The following PBX1 variants were observed in gnomAD, a reference collection of about 807,000 sequenced individuals.
PBX1 encodes PBX homeobox 1, also known as pre-B-cell leukemia transcription factor 1.
Under a neutral mutation model 53.4 loss-of-function variants are expected in PBX1, and 6 were observed. That is an observed-to-expected ratio of 0.11 (90% CI 0.06 to 0.22). PBX1 has a LOEUF of 0.22. PBX1 is among the 10% of genes least tolerant of loss of function. The pLI is 1.00. For missense variants in PBX1, 251 were observed against 551.4 expected (o/e 0.46, Z 5.46); for synonymous variants, 204 against 212.3 (o/e 0.96, Z 0.34).
chr1:164,773,098 C>T (rs1268991016), intron 2 of PBX1: 1 of 152,176 alleles, frequency 6.6e-6, no homozygotes, highest in Non-Finnish European at 1.5e-5. Context: ...TCTCAGCCCT[C>T]TGTACTGGTG....
chr1:164,604,816 A>C (rs1656440652), intron 2 of PBX1, among the ~76,000 whole-genome samples: 1 of 149,626 alleles, frequency 6.7e-6, no homozygotes, highest in Non-Finnish European at 1.5e-5. Flanking sequence ...ATCAGTGACT[A>C]TTTTTTTTTT....
rs562633711 is a variant in PBX1, at chr1:164,564,440, T to A, written c.265+1129T>A. Among the ~76,000 whole-genome samples the A allele has an allele frequency of 6.0e-4, 91 of 152,232 alleles. No homozygotes were observed. In the South Asian group the frequency reaches 0.019, roughly 31 times the overall value. The stretch of plus-strand genomic sequence containing the variant: ...GGAGAGGGCACACAGGGTGGCTTTC[T>A]TTTTGAGAGCTCTCTGTGTTTTTCT... On this transcript the variant is annotated intron_variant, in intron 2 of 8. Coordinates refer to ENST00000420696, the MANE Select transcript of PBX1 (RefSeq NM_002585.4).
intron 2 of PBX1, among the ~76,000 whole-genome samples, chr1:164,646,535 C>T (rs757776358): frequency 3.3e-5 from 5 of 152,068 alleles, no homozygotes; most frequent in Non-Finnish European, 5.9e-5. Context: ...ATGGCCAAAC[C>T]GACCCCTTAC....
rs573698638 is a variant in PBX1, at chr1:164,785,065, TA to T, written c.266-7426del. Among the ~76,000 whole-genome samples, 392 of 152,266 alleles carry T rather than the reference TA, an allele frequency of 2.6e-3. 2 individuals carry two copies. The highest frequency in any genetic ancestry group is 8.7e-3 in the African/African-American group (363 of 41,558). ...TGGCTTTCAACATTTGGAGATTTCT[TA>T]AACTACAGCTTCTCATCTGAAGAGG... On this transcript the variant is annotated intron_variant, in intron 2 of 8. Coordinates refer to ENST00000420696, the MANE Select transcript of PBX1 (RefSeq NM_002585.4).
intron 2 of PBX1, chr1:164,657,174 T>G (rs1660217697): frequency 6.6e-6 from 1 of 152,176 alleles, no homozygotes; most frequent in South Asian, 2.1e-4. Flanking sequence ...GAGACAAGCT[T>G]CCGAAATCCA....
intron 3 of PBX1, among the ~76,000 whole-genome samples, chr1:164,796,369 AT>A (rs1668787738): frequency 6.6e-6 from 1 of 150,388 alleles, no homozygotes; most frequent in Non-Finnish European, 1.5e-5. Flanking sequence ...AGAAACCTGA[AT>A]TTTATTCCAA....
At chr1:164,566,673 A>G (rs1269646007) in intron 2 of PBX1, among the ~76,000 whole-genome samples, 1 of 152,208 alleles carries the variant, frequency 6.6e-6, no homozygotes, top group African/African-American at 2.4e-5. Context: ...CCTTGAATAT[A>G]TTTTTAAACA....
intron 2 of PBX1, among the ~76,000 whole-genome samples, chr1:164,728,970 T>C (rs771608614): frequency 7.2e-5 from 11 of 152,316 alleles, no homozygotes; most frequent in South Asian, 2.1e-4. Context: ...AAGATAATTG[T>C]AGGGTTACTG....
intron 2 of PBX1, among the ~76,000 whole-genome samples, chr1:164,754,772 A>G (rs1433498720): frequency 6.6e-6 from 1 of 152,154 alleles, no homozygotes; most frequent in Non-Finnish European, 1.5e-5. Flanking sequence ...TTTTGTGTTA[A>G]GTATGTTGTA....
At chr1:164,756,045 C>T (rs1209046056) in intron 2 of PBX1, among the ~76,000 whole-genome samples, 1 of 152,044 alleles carries the variant, frequency 6.6e-6, no homozygotes, top group Non-Finnish European at 1.5e-5. Context: ...CTTGCTTTCC[C>T]CTCTGCACAG....
intron 2 of PBX1, among the ~76,000 whole-genome samples, chr1:164,711,391 G>A (rs1051186455): frequency 6.6e-6 from 1 of 152,156 alleles, no homozygotes; most frequent in Non-Finnish European, 1.5e-5. Context: ...AGCCTCCCGA[G>A]TAGCTGGGAC....
At chr1:164,831,635 C>T (rs1354797258) in intron 8 of PBX1, among the ~76,000 whole-genome samples, 2 of 152,068 alleles carry the variant, frequency 1.3e-5, no homozygotes, top group Non-Finnish European at 2.9e-5. Flanking sequence ...GTGATTCGCC[C>T]ACCTCAGCCT....
intron 2 of PBX1, among the ~76,000 whole-genome samples, chr1:164,655,690 T>C (rs1660126515): frequency 6.6e-6 from 1 of 152,214 alleles, no homozygotes; most frequent in Non-Finnish European, 1.5e-5. Flanking sequence ...TTGACCTCCT[T>C]GACTGCAATC....
intron 3 of PBX1, among the ~76,000 whole-genome samples, chr1:164,794,342 C>A (rs1310274202): frequency 1.3e-5 from 2 of 152,108 alleles, no homozygotes; most frequent in Non-Finnish European, 2.9e-5. Context: ...AATAAATTTT[C>A]ATTACTGCAC....
chr1:164,783,814 C>G (rs1216116710), intron 2 of PBX1, among the ~76,000 whole-genome samples: 1 of 151,992 alleles, frequency 6.6e-6, no homozygotes, highest in African/African-American at 2.4e-5. Flanking sequence ...TGTGGTAGGA[C>G]AAGGAAATCT....
chr1:164,580,494 G>C (rs1654534397), intron 2 of PBX1, among the ~76,000 whole-genome samples: 2 of 151,934 alleles, frequency 1.3e-5, no homozygotes, highest in African/African-American at 4.8e-5. Flanking sequence ...TGGCCAGGCT[G>C]GTCTTGAACT....
chr1:164,849,114 C>T lies in PBX1; in HGVS notation c.*2438C>T. The stretch of plus-strand genomic sequence containing the variant: ...CAAGAACATGGTTGAATCACATTTG[C>T]TTGACTTAGGGCAAAGTACGAAAGA... On this transcript the variant is annotated 3_prime_UTR_variant, in exon 9 of 9. Transcript: ENST00000420696. 1.5e-6 allele frequency: 2 copies of T among 1,359,558 alleles called. No homozygotes were observed. The highest frequency in any genetic ancestry group is 1.9e-6 in the Non-Finnish European group (2 of 1,054,754). 84.2% of individuals were successfully genotyped at this position (1,359,558 alleles called of 1,614,324 possible). A position where few individuals can be genotyped will look rare whatever the true frequency, so the allele number is the denominator to read the frequency against.
chr1:164,841,199 G>A (rs59782323), intron 8 of PBX1, among the ~76,000 whole-genome samples: 1,552 of 152,298 alleles, frequency 0.01, 21 homozygotes, highest in African/African-American at 0.036. Context: ...GGGACAGATG[G>A]ATGTGCAAAG....
At chr1:164,583,597 G>T (rs1242437894) in intron 2 of PBX1, among the ~76,000 whole-genome samples, 1 of 152,166 alleles carries the variant, frequency 6.6e-6, no homozygotes, top group Non-Finnish European at 1.5e-5. Flanking sequence ...TCCTAAGAAG[G>T]CCAGGAGGGA....
Sources: gnomAD v4.1 joint callset for allele counts (sites outside exome capture counted in the v4.1 genomes callset) on GRCh38, gnomAD v4.1.1 for gene constraint, MANE v1.5 for transcripts, NCBI Gene and HGNC (gene_info 2026-07-23, HGNC 2026-07-21) for gene names.